EXT1: variants seen among roughly 807,000 people sequenced by gnomAD.
EXT1 encodes exostosin glycosyltransferase 1.
A neutral mutation model predicts 82.5 loss-of-function variants in EXT1; 20 were observed. The observed-to-expected ratio is 0.24, with a 90% CI of 0.17 to 0.35. The LOEUF (loss-of-function observed/expected upper bound fraction) is 0.35, where lower values mean the gene tolerates loss of function less well. Ranked by LOEUF, EXT1 falls within the 10% of genes least tolerant of loss-of-function variation. EXT1 has a pLI of 1.00. For missense variants in EXT1, 757 were observed against 936.5 expected, an observed-to-expected ratio of 0.81 and a Z score of 2.50; for synonymous variants, 348 against 350.8, an observed-to-expected ratio of 0.99 and a Z score of 0.09.
chr8:117,886,453 T>C (rs1467293777), intron 1 of EXT1, among the ~76,000 whole-genome samples: 1 of 152,160 alleles, frequency 6.6e-6, no homozygotes, highest in African/African-American at 2.4e-5. Flanking sequence ...ACCTGCTATG[T>C]CCCCCAAATA....
chr8:117,965,169 A>T (rs1814784729), intron 1 of EXT1, among the ~76,000 whole-genome samples: 1 of 152,156 alleles, frequency 6.6e-6, no homozygotes, highest in African/African-American at 2.4e-5. Context: ...GAAAGACACA[A>T]CCAGCGTATC....
At chr8:118,029,807 C>A (rs976887960) in intron 1 of EXT1, among the ~76,000 whole-genome samples, 4 of 152,230 alleles carry the variant, frequency 2.6e-5, no homozygotes, top group African/African-American at 7.2e-5. Flanking sequence ...GCTTCAGCTG[C>A]AAACTACAGC....
chr8:118,000,473 CCT>C (rs1333254174), intron 1 of EXT1, among the ~76,000 whole-genome samples: 1 of 152,212 alleles, frequency 6.6e-6, no homozygotes, highest in Admixed American at 6.5e-5. Flanking sequence ...ACTTTACACA[CCT>C]CTCTGTGTAA....
At chr8:117,978,606 G>A (rs1197914318) in intron 1 of EXT1, among the ~76,000 whole-genome samples, 3 of 152,140 alleles carry the variant, frequency 2.0e-5, no homozygotes, top group Non-Finnish European at 4.4e-5. Context: ...GACCTATATA[G>A]GAATAATAAA....
At chr8:118,031,897 A>T (rs960499360) in intron 1 of EXT1, among the ~76,000 whole-genome samples, 1 of 152,098 alleles carries the variant, frequency 6.6e-6, no homozygotes, top group Non-Finnish European at 1.5e-5. Context: ...TTAATTGGCT[A>T]CGATGAGACT....
intron 1 of EXT1, among the ~76,000 whole-genome samples, chr8:117,891,645 T>G (rs6469715): frequency 0.53 from 81,158 of 151,910 alleles, 22,056 homozygotes; most frequent in Middle Eastern, 0.65. Flanking sequence ...CTGAACACAG[T>G]TGTATGCAGG....
At chr8:117,801,874 G>A (rs886180284) in intron 10 of EXT1, among the ~76,000 whole-genome samples, 1 of 152,162 alleles carries the variant, frequency 6.6e-6, no homozygotes, top group Non-Finnish European at 1.5e-5. Flanking sequence ...ACTCATATAT[G>A]CAACTAGAAA....
intron 8 of EXT1, among the ~76,000 whole-genome samples, chr8:117,810,123 AC>A (rs1823297346): frequency 6.6e-6 from 1 of 152,214 alleles, no homozygotes; most frequent in East Asian, 1.9e-4. Context: ...TCTCTCAAAA[AC>A]CAACATCTGT....
At chr8:118,074,401 T>C (rs1817165488) in intron 1 of EXT1, among the ~76,000 whole-genome samples, 1 of 152,098 alleles carries the variant, frequency 6.6e-6, no homozygotes, top group Admixed American at 6.5e-5. Context: ...AGGGAAGCTA[T>C]TGTGCTCCCG....
chr8:118,045,892 T>C (rs1176282715), intron 1 of EXT1, among the ~76,000 whole-genome samples: 3 of 151,930 alleles, frequency 2.0e-5, no homozygotes, highest in Admixed American at 6.6e-5. Context: ...AACTCCCAGG[T>C]TGAAGCGATT....
At chr8:117,860,191 C>T (rs939198541) in intron 1 of EXT1, among the ~76,000 whole-genome samples, 2 of 149,384 alleles carry the variant, frequency 1.3e-5, no homozygotes, top group African/African-American at 4.9e-5. Context: ...TGAAATCATG[C>T]CTTTTGTAGC....
intron 1 of EXT1, among the ~76,000 whole-genome samples, chr8:117,928,449 G>A (rs1192214465): frequency 6.6e-6 from 1 of 152,196 alleles, no homozygotes; most frequent in African/African-American, 2.4e-5. Flanking sequence ...ACTAGGCACA[G>A]AATCTTAAAC....
intron 1 of EXT1, among the ~76,000 whole-genome samples, chr8:117,939,263 C>T (rs1041136374): frequency 3.9e-5 from 6 of 152,146 alleles, no homozygotes; most frequent in Non-Finnish European, 5.9e-5. Flanking sequence ...GAAGCAGGTA[C>T]CACTGTTGTT....
Position 117,819,742 on chromosome 8 carries a change from CA to C in EXT1, c.1469del (p.Leu490ArgfsTer9), listed in dbSNP as rs886039356. The C allele has an allele frequency of 6.2e-7, 1 of 1,613,358 alleles. No individual in the cohort carries two copies. Among genetic ancestry groups the C allele is most frequent in the Non-Finnish European group, 8.5e-7 (1 of 1,180,012 alleles). On this transcript the variant is annotated frameshift_variant, in exon 6 of 11. Coordinates refer to ENST00000378204, the MANE Select transcript of EXT1 (RefSeq NM_000127.3). LOFTEE classifies it high-confidence loss of function. ...TCAACACTGGCTGGGACTGAGAGACCAGGGGGGTCACCGCATGGATGACTGC... is the reference window on the plus strand; with the variant it reads ...TCAACACTGGCTGGGACTGAGAGACCGGGGGGTCACCGCATGGATGACTGC... ...FTAVIHAVTPLVSQSQPVLKL... is the reference protein window; with the variant it reads ...FTAVIHAVTPXVSQSQPVLKL...
intron 1 of EXT1, among the ~76,000 whole-genome samples, chr8:117,847,942 C>A (rs150242301): frequency 6.6e-6 from 1 of 152,312 alleles, no homozygotes; most frequent in East Asian, 1.9e-4. Flanking sequence ...CCAACCTCAC[C>A]TTCCCATTTT....
intron 1 of EXT1, among the ~76,000 whole-genome samples, chr8:117,878,184 G>A (rs1381767217): frequency 6.6e-6 from 1 of 152,206 alleles, no homozygotes; most frequent in Non-Finnish European, 1.5e-5. Flanking sequence ...TGATGCAAGA[G>A]AATCACTTGA....
chr8:118,055,116 A>T lies in EXT1; in HGVS notation c.962+54969T>A, dbSNP rs534270373. Among the ~76,000 whole-genome samples the T allele has an allele frequency of 1.9e-3, 296 of 152,156 alleles. 1 individual carries two copies. Among genetic ancestry groups the T allele is most frequent in the African/African-American group, 6.8e-3 (282 of 41,520 alleles). ...GTTAATAAAATACCCATCACTCTTT[A>T]AAGTTTTTGCACTCTCTTTTCCTTA... On this transcript the variant is annotated intron_variant, in intron 1 of 10. Transcript: ENST00000378204.
chr8:118,089,649 T>C (rs117271645), intron 1 of EXT1, among the ~76,000 whole-genome samples: 1,741 of 152,290 alleles, frequency 0.011, 21 homozygotes, highest in Middle Eastern at 0.02. Flanking sequence ...TTTTAAAAAA[T>C]ATGTCCTTTT....
intron 7 of EXT1, among the ~76,000 whole-genome samples, chr8:117,817,555 G>A (rs1370568318): frequency 6.6e-6 from 1 of 152,050 alleles, no homozygotes; most frequent in African/African-American, 2.4e-5. Context: ...CTCTTTAGTA[G>A]AAGAAATTTC....
Sources: gnomAD v4.1 joint callset for allele counts (sites outside exome capture counted in the v4.1 genomes callset) on GRCh38, gnomAD v4.1.1 for gene constraint, MANE v1.5 for transcripts, NCBI Gene and HGNC (gene_info 2026-07-23, HGNC 2026-07-21) for gene names.